TMEM117: variants seen among roughly 807,000 people sequenced by gnomAD.
TMEM117 encodes transmembrane protein 117.
Under a neutral mutation model 52.4 loss-of-function variants are expected in TMEM117, and 27 were observed. The observed-to-expected ratio is 0.51, with a 90% CI of 0.38 to 0.71. The LOEUF is 0.71. Among genes scored for constraint, TMEM117 ranks in the 30% least tolerant of loss-of-function variants. The pLI is 0.00. For missense variants in TMEM117, 556 were observed against 630.5 expected, an observed-to-expected ratio of 0.88 and a Z score of 1.26; for synonymous variants, 215 against 206.3, an observed-to-expected ratio of 1.04 and a Z score of -0.36.
At chr12:44,043,985 A>G (rs1456947808) in intron 3 of TMEM117, among the ~76,000 whole-genome samples, 1 of 152,162 alleles carries the variant, frequency 6.6e-6, no homozygotes, top group Non-Finnish European at 1.5e-5. Flanking sequence ...AGCTGAAAAG[A>G]TGGCCTGCTG....
intron 4 of TMEM117, among the ~76,000 whole-genome samples, chr12:44,161,664 A>G (rs1278773343): frequency 1.3e-5 from 2 of 152,222 alleles, no homozygotes; most frequent in Non-Finnish European, 2.9e-5. Flanking sequence ...CAGGCAGAGC[A>G]CTTAGAATAT....
chr12:44,398,925 G>A, the TMEM117 span, among the ~76,000 whole-genome samples: 1 of 151,838 alleles, frequency 6.6e-6, no homozygotes, highest in African/African-American at 2.4e-5. Context: ...TATTTGTATG[G>A]CTCAATCCTG....
chr12:44,115,297 G>A (rs1235490398), intron 3 of TMEM117, among the ~76,000 whole-genome samples: 1 of 152,130 alleles, frequency 6.6e-6, no homozygotes, highest in African/African-American at 2.4e-5. Flanking sequence ...ATCACACACT[G>A]GGGCCTGTTG....
chr12:44,038,961 T>G (rs1305192801), intron 3 of TMEM117, among the ~76,000 whole-genome samples: 1 of 152,318 alleles, frequency 6.6e-6, no homozygotes, highest in East Asian at 1.9e-4. Flanking sequence ...ATCAAACAGG[T>G]ACTCACAATT....
At chr12:44,100,876 G>A (rs952110353) in intron 3 of TMEM117, among the ~76,000 whole-genome samples, 1 of 151,856 alleles carries the variant, frequency 6.6e-6, no homozygotes, top group African/African-American at 2.4e-5. Context: ...CGTCAGTTTG[G>A]TGCTTGTCTT....
chr12:44,188,723 C>T (rs887034818), intron 4 of TMEM117, among the ~76,000 whole-genome samples: 1 of 152,188 alleles, frequency 6.6e-6, no homozygotes, highest in Non-Finnish European at 1.5e-5. Context: ...CCACCTCCCA[C>T]AGCACTCCCA....
Position 44,187,242 on chromosome 12 carries a change from G to A in TMEM117, c.511-24048G>A, listed in dbSNP as rs140780423. Among the ~76,000 whole-genome samples, 1,247 of 151,646 alleles carry A rather than the reference G, an allele frequency of 8.2e-3. 13 individuals carry two copies. The highest frequency in any genetic ancestry group is 0.029 in the African/African-American group (1,188 of 41,372). On this transcript the variant is annotated intron_variant, in intron 4 of 7. Coordinates refer to ENST00000266534, the MANE Select transcript of TMEM117 (RefSeq NM_032256.3). ...TAATCCAGATGGACAAATGTAAATG[G>A]GAAAAAAATCAAGGTCATCATGATC... is the stretch of plus-strand genomic sequence containing the variant.
intron 6 of TMEM117, among the ~76,000 whole-genome samples, chr12:44,328,259 A>G (rs1013729577): frequency 1.3e-5 from 2 of 152,202 alleles, no homozygotes; most frequent in Non-Finnish European, 2.9e-5. Context: ...AGGCACAGCC[A>G]TCGTACATAT....
intron 2 of TMEM117, among the ~76,000 whole-genome samples, chr12:43,942,940 A>G (rs1427402414): frequency 6.6e-6 from 1 of 152,042 alleles, no homozygotes; most frequent in Non-Finnish European, 1.5e-5. Flanking sequence ...GCACTTTGGG[A>G]GGCCGAGGAG....
At chr12:43,998,843 TCAAA>T (rs1263690350) in intron 3 of TMEM117, among the ~76,000 whole-genome samples, 5 of 152,038 alleles carry the variant, frequency 3.3e-5, no homozygotes, top group African/African-American at 1.2e-4. Flanking sequence ...AAATTTAGAA[TCAAA>T]CAAATCAGTA....
intron 2 of TMEM117, among the ~76,000 whole-genome samples, chr12:43,870,124 AT>A (rs2137424541): frequency 1.3e-5 from 2 of 152,264 alleles, no homozygotes; most frequent in Admixed American, 1.3e-4. Flanking sequence ...GCTGCATAGT[AT>A]TACATGGTAT....
rs374507483 is a variant in TMEM117, at chr12:44,307,654, A to T, written c.768+7915A>T. ...TACTGCTAGTACAGCGGGGAGACAG[A>T]GTGTTCAGGGAGAATCACGGAGGAG... On this transcript the variant is annotated intron_variant, in intron 6 of 7. Coordinates refer to ENST00000266534, the MANE Select transcript of TMEM117 (RefSeq NM_032256.3). 2.6e-4 allele frequency among the ~76,000 whole-genome samples: 39 copies of T among 152,316 alleles called. No homozygotes were observed. The South Asian group carries it at 6.0e-3, about 24-fold the overall frequency.
At chr12:44,030,650 A>C (rs1245663864) in intron 3 of TMEM117, among the ~76,000 whole-genome samples, 3 of 152,220 alleles carry the variant, frequency 2.0e-5, no homozygotes, top group Admixed American at 6.5e-5. Flanking sequence ...GTTTTAACCT[A>C]TATATGCCTA....
chr12:43,970,085 G>A (rs901309663), intron 3 of TMEM117, among the ~76,000 whole-genome samples: 1 of 152,066 alleles, frequency 6.6e-6, no homozygotes, highest in Non-Finnish European at 1.5e-5. Flanking sequence ...CCTGGGATGT[G>A]AATCATCCCT....
intron 3 of TMEM117, among the ~76,000 whole-genome samples, chr12:44,014,103 T>C (rs1461597694): frequency 6.6e-6 from 1 of 152,062 alleles, no homozygotes; most frequent in Non-Finnish European, 1.5e-5. Context: ...GCCTGGGCAG[T>C]GGGAAGCCGT....
rs527524027 is a variant in TMEM117, at chr12:43,842,345, T to C, written c.-28-2279T>C. Among the ~76,000 whole-genome samples the C allele has an allele frequency of 7.9e-5, 12 of 152,316 alleles. No homozygotes were observed. The East Asian group carries it at 2.3e-3, about 29-fold the overall frequency. On this transcript the variant is annotated intron_variant, in intron 1 of 7. Transcript: ENST00000266534. Reference sequence around the variant, plus strand: ...CCTAGGTGGTCCAAGCTACAGCCCCTGGGGACAGATTTCAGAGTGTTCACA... The same window carrying C: ...CCTAGGTGGTCCAAGCTACAGCCCCCGGGGACAGATTTCAGAGTGTTCACA...
intron 4 of TMEM117, among the ~76,000 whole-genome samples, chr12:44,168,037 C>G (rs1186606737): frequency 6.6e-6 from 1 of 151,010 alleles, no homozygotes; most frequent in Non-Finnish European, 1.5e-5. Context: ...GGGCGGATCA[C>G]AAGGTCAGGA....
chr12:43,976,571 A>G (rs1945674207), intron 3 of TMEM117, among the ~76,000 whole-genome samples: 1 of 152,182 alleles, frequency 6.6e-6, no homozygotes, highest in East Asian at 1.9e-4. Flanking sequence ...AAATTTATCT[A>G]GATCGATTTC....
chr12:43,926,381 T>G (rs10785479), intron 2 of TMEM117, among the ~76,000 whole-genome samples: 26,258 of 152,162 alleles, frequency 0.17, 3,464 homozygotes, highest in African/African-American at 0.36. Flanking sequence ...TAAAATCCAG[T>G]AGTTACATTG....
Sources: gnomAD v4.1 joint callset for allele counts (sites outside exome capture counted in the v4.1 genomes callset) on GRCh38, gnomAD v4.1.1 for gene constraint, MANE v1.5 for transcripts, NCBI Gene and HGNC (gene_info 2026-07-23, HGNC 2026-07-21) for gene names.